The following FBXO36 variants were observed in gnomAD, a reference collection of about 807,000 sequenced individuals.
The protein encoded by FBXO36 is F-box only protein 36.
Under a neutral mutation model 17.0 loss-of-function variants are expected in FBXO36, and 18 were observed. The observed-to-expected ratio is 1.06, with a 90% CI of 0.73 to 1.57. The LOEUF (loss-of-function observed/expected upper bound fraction) is 1.57. Among genes scored for constraint, FBXO36 ranks in the 40% most tolerant of loss-of-function variants. FBXO36 has a pLI of 0.00. For synonymous variants in FBXO36, 83 were observed against 85.3 expected (o/e 0.97, Z 0.15); for missense variants, 229 against 221.9 (o/e 1.03, Z -0.20).
At chr2:229,941,454 CAAAA>C (rs900428508) in intron 1 of FBXO36, among the ~76,000 whole-genome samples, 5 of 149,904 alleles carry the variant, frequency 3.3e-5, no homozygotes, top group African/African-American at 9.8e-5. Context: ...GACTCCGTCT[CAAAA>C]AAAACAACAA....
At chr2:229,937,930 G>C (rs563253116) in intron 1 of FBXO36, 1 of 152,232 alleles carries the variant, frequency 6.6e-6, no homozygotes, top group African/African-American at 2.4e-5. Context: ...TCTTAGTTTT[G>C]CTTATATGTT....
At chr2:229,999,324 C>A (rs1348023885) in intron 3 of FBXO36, among the ~76,000 whole-genome samples, 1 of 149,650 alleles carries the variant, frequency 6.7e-6, no homozygotes, top group Non-Finnish European at 1.5e-5. Context: ...ACGGGGTTTC[C>A]CCGTGTTGGC....
chr2:229,947,155 C>T lies in FBXO36; in HGVS notation c.96+24546C>T, dbSNP rs146307809. ...TGCACTCCAGCCTGGACAACAAGAGCGAAACTCTGTCTCAAAAGTAAATAA... is the reference window on the plus strand; with the variant it reads ...TGCACTCCAGCCTGGACAACAAGAGTGAAACTCTGTCTCAAAAGTAAATAA... On this transcript the variant is annotated intron_variant, in intron 1 of 3. Coordinates refer to ENST00000283946, the MANE Select transcript of FBXO36 (RefSeq NM_174899.5). Among the ~76,000 whole-genome samples, 4 of 152,014 alleles carry T rather than the reference C, an allele frequency of 2.6e-5. No homozygotes were observed. The East Asian group carries it at 5.8e-4, about 22-fold the overall frequency.
chr2:229,967,854 T>C lies in FBXO36; in HGVS notation c.97-8387T>C, dbSNP rs369019761. Among the ~76,000 whole-genome samples, 20 of 152,320 alleles carry C rather than the reference T, an allele frequency of 1.3e-4. No homozygotes were observed. The East Asian group carries it at 2.7e-3, about 21-fold the overall frequency. ...TAAAATTCTCTTTTTTTGTTGTGTCTCTGCCCGGCTTTGGTATCAGGATGA... is the reference window on the plus strand; with the variant it reads ...TAAAATTCTCTTTTTTTGTTGTGTCCCTGCCCGGCTTTGGTATCAGGATGA... On this transcript the variant is annotated intron_variant, in intron 1 of 3. Transcript: ENST00000283946.
intron 1 of FBXO36, among the ~76,000 whole-genome samples, chr2:229,966,948 T>C (rs1190132459): frequency 2.0e-5 from 3 of 152,204 alleles, no homozygotes; most frequent in Non-Finnish European, 2.9e-5. Context: ...GGGGATGGCA[T>C]TGAATCTATA....
At chr2:229,938,805 G>A (rs1290239189) in intron 1 of FBXO36, among the ~76,000 whole-genome samples, 2 of 139,682 alleles carry the variant, frequency 1.4e-5, no homozygotes, top group East Asian at 2.1e-4. Context: ...TTTCGCCCAG[G>A]CTGGAGTGCA....
intron 2 of FBXO36, among the ~76,000 whole-genome samples, chr2:229,995,743 C>A (rs1310990471): frequency 2.0e-5 from 3 of 151,798 alleles, no homozygotes; most frequent in Non-Finnish European, 4.4e-5. Context: ...CAGGCATGTG[C>A]CACCACGCCT....
At chr2:229,962,528 ATTTTATTTTATT>A (rs2077128311) in intron 1 of FBXO36, among the ~76,000 whole-genome samples, 2 of 148,876 alleles carry the variant, frequency 1.3e-5, no homozygotes, top group African/African-American at 5.0e-5. Flanking sequence ...ATTTTATTTT[ATTTTATTTTATT>A]TTATTTTATT....
intron 1 of FBXO36, among the ~76,000 whole-genome samples, chr2:229,935,803 A>G (rs978708296): frequency 2.0e-5 from 3 of 152,212 alleles, no homozygotes; most frequent in Non-Finnish European, 2.9e-5. Context: ...TCTTCTGTGT[A>G]TCAAGTGCTA....
At position 229,976,296 on chromosome 2, in the gene FBXO36, C is replaced by G. The variant is rs757788370; in HGVS notation, c.152C>G (p.Pro51Arg). ...SLRSEYRSTK[P>R]GEAKETHEDF... ...AGGAGTGAGTATCGATCAACAAAAC[C>G]TGGAGAAGCAAAAGAAACCCATGAA... Residue 51 changes from proline to arginine, a missense_variant, in exon 2 of 4, where the codon CCT becomes CGT. Transcript: ENST00000283946. 1 of 1,613,658 alleles carries G rather than the reference C, an allele frequency of 6.2e-7. No individual in the cohort carries two copies. The highest frequency in any genetic ancestry group is 8.5e-7 in the Non-Finnish European group (1 of 1,179,814).
At chr2:229,924,329 G>A (rs1370715448) in intron 1 of FBXO36, among the ~76,000 whole-genome samples, 2 of 152,088 alleles carry the variant, frequency 1.3e-5, no homozygotes, top group Admixed American at 1.3e-4. Flanking sequence ...CTGACCTCAG[G>A]TGATCCAGCT....
chr2:229,959,969 A>G (rs1232596208), intron 1 of FBXO36, among the ~76,000 whole-genome samples: 2 of 152,084 alleles, frequency 1.3e-5, no homozygotes, highest in African/African-American at 4.8e-5. Flanking sequence ...TAATCAGTCA[A>G]CTCTAAAGTT....
intron 3 of FBXO36, among the ~76,000 whole-genome samples, chr2:230,000,044 G>A (rs536281684): frequency 6.6e-6 from 1 of 151,908 alleles, no homozygotes. Flanking sequence ...TTGAAATTTT[G>A]TGCTTGGTGC....
intron 2 of FBXO36, among the ~76,000 whole-genome samples, chr2:229,981,323 C>G (rs569849717): frequency 6.6e-6 from 1 of 151,866 alleles, no homozygotes; most frequent in African/African-American, 2.4e-5. Context: ...ACCACCCCCC[C>G]ATCTCTAAAA....
At chr2:229,925,843 G>C (rs1414347231) in intron 1 of FBXO36, among the ~76,000 whole-genome samples, 2 of 152,014 alleles carry the variant, frequency 1.3e-5, no homozygotes, top group Non-Finnish European at 2.9e-5. Context: ...TTTACTGCTT[G>C]ATACCATGTT....
chr2:229,962,559 A>G (rs1403089612), intron 1 of FBXO36, among the ~76,000 whole-genome samples: 2 of 112,872 alleles, frequency 1.8e-5, no homozygotes, highest in African/African-American at 7.4e-5. Flanking sequence ...TTGTAGAGAT[A>G]GAGTTGCACT....
chr2:230,008,458 G>A (rs540439121), intron 3 of FBXO36, among the ~76,000 whole-genome samples: 21 of 152,230 alleles, frequency 1.4e-4, no homozygotes, highest in African/African-American at 3.4e-4. Flanking sequence ...GCAAAAGATC[G>A]TCAGGGTTTG....
chr2:229,976,601 A>G, intron 2 of FBXO36: 1 of 300,850 alleles, frequency 3.3e-6, no homozygotes, highest in South Asian at 4.6e-5. Flanking sequence ...CGGGTGGATC[A>G]TGATGTCAGG....
At chr2:229,941,193 C>T (rs566989924) in intron 1 of FBXO36, among the ~76,000 whole-genome samples, 9 of 152,122 alleles carry the variant, frequency 5.9e-5, no homozygotes, top group Non-Finnish European at 5.9e-5. Flanking sequence ...CGGTGGCTCA[C>T]GCCTGTAATT....
Sources: allele counts gnomAD v4.1 joint callset (sites outside exome capture counted in the v4.1 genomes callset), GRCh38; gene constraint gnomAD v4.1.1; transcripts MANE v1.5; gene names NCBI Gene and HGNC (gene_info 2026-07-23, HGNC 2026-07-21).